DLEC1: variants seen among roughly 807,000 people sequenced by gnomAD.
DLEC1 encodes the protein DLEC1 cilia and flagella associated protein.
DLEC1 carries 146 observed loss-of-function variants against 198.1 expected under a neutral mutation model. That is an observed-to-expected ratio of 0.74 (90% CI 0.64 to 0.85). DLEC1 has a LOEUF of 0.85. Ranked by LOEUF, DLEC1 falls within the 40% of genes least tolerant of loss-of-function variation. The pLI, the probability that DLEC1 is intolerant of heterozygous loss-of-function variation, is 0.00. For synonymous variants in DLEC1, 897 were observed against 866.8 expected (o/e 1.03, Z -0.61); for missense variants, 2,233 against 2,220.0 (o/e 1.01, Z -0.12).
chr3:38,112,297 T>C lies in DLEC1; in HGVS notation c.3602T>C (p.Leu1201Pro). The C allele has an allele frequency of 6.2e-7, 1 of 1,614,192 alleles. No individual in the cohort carries two copies. The highest frequency in any genetic ancestry group is 1.3e-5 in the African/African-American group (1 of 75,052). ...SQGMLGPYQQ[L>P]CIDITGCANM... ...GGCATGCTGGGGCCCTACCAGCAGCTGTGCATTGACATCACAGGCTGTGCC... is the reference window on the plus strand; with the variant it reads ...GGCATGCTGGGGCCCTACCAGCAGCCGTGCATTGACATCACAGGCTGTGCC... Residue 1201 changes from leucine (L) to proline (P), a missense_variant, in exon 25 of 37, where the codon CTG becomes CCG. Transcript: ENST00000308059. The surrounding 1 kb of genome is among the most constrained non-coding windows in gnomAD (Gnocchi z 4.8).
intron 1 of DLEC1, among the ~76,000 whole-genome samples, chr3:38,042,885 C>G (rs1434164247): frequency 1.3e-5 from 2 of 152,158 alleles, no homozygotes; most frequent in Non-Finnish European, 2.9e-5. Flanking sequence ...ATATTCCTCT[C>G]CCTCTTTCCT....
At chr3:38,087,691 C>T (rs558658668) in intron 9 of DLEC1, among the ~76,000 whole-genome samples, 24 of 152,368 alleles carry the variant, frequency 1.6e-4, no homozygotes, top group African/African-American at 2.9e-4. Context: ...ACAAGGGATA[C>T]ATCTAGAGGA....
At chr3:38,041,847 CAAAAAA>C (rs751455053) in intron 1 of DLEC1, among the ~76,000 whole-genome samples, 3 of 71,682 alleles carry the variant, frequency 4.2e-5, no homozygotes, top group Non-Finnish European at 8.7e-5. Flanking sequence ...GACTCCGTTT[CAAAAAA>C]AAAAAAAAAA....
rs200562564 is a variant in DLEC1, at chr3:38,122,398, C to A, written c.5254C>A (p.Pro1752Thr). 1.9e-5 allele frequency: 31 copies of A among 1,614,184 alleles called. No individual in the cohort carries two copies. In the African/African-American group the frequency reaches 2.8e-4, roughly 15 times the overall value. ...CTCCTATGATGAGAGATACATGTTGCCTCACCAGCCCTGAGGCTCCGCCCC... is the reference window on the plus strand; with the variant it reads ...CTCCTATGATGAGAGATACATGTTGACTCACCAGCCCTGAGGCTCCGCCCC... The part of the protein sequence containing the change: ...QGSYDERYML[P>T]HQP The change falls in exon 37 of 37, where the codon CCT becomes ACT. Residue 1752 changes from proline to threonine, a missense_variant. Coordinates refer to ENST00000308059, the MANE Select transcript of DLEC1 (RefSeq NM_007335.4).
chr3:38,081,903 C>T (rs1698043591), intron 6 of DLEC1, among the ~76,000 whole-genome samples: 3 of 148,486 alleles, frequency 2.0e-5, no homozygotes, highest in Non-Finnish European at 1.5e-5. Context: ...TGACCCCCCC[C>T]CACCTCCCTC....
intron 6 of DLEC1, among the ~76,000 whole-genome samples, chr3:38,071,948 A>G (rs1185062849): frequency 6.6e-6 from 1 of 152,202 alleles, no homozygotes; most frequent in Non-Finnish European, 1.5e-5. Context: ...AGGGGGGCAG[A>G]GTGGTAGCCT....
intron 22 of DLEC1, 115 bp downstream of exon 22, chr3:38,109,677 A>G: frequency 5.9e-6 from 9 of 1,537,020 alleles, no homozygotes; most frequent in Non-Finnish European, 7.9e-6. Context: ...TCCTGCAGGC[A>G]GGAAAACGCC....
intron 6 of DLEC1, among the ~76,000 whole-genome samples, chr3:38,068,797 T>C (rs1697166819): frequency 6.6e-6 from 1 of 152,186 alleles, no homozygotes; most frequent in African/African-American, 2.4e-5. Context: ...AATTAGTTGA[T>C]TATTCACTCC....
intron 6 of DLEC1, among the ~76,000 whole-genome samples, chr3:38,074,575 G>T (rs1416260678): frequency 6.6e-6 from 1 of 152,192 alleles, no homozygotes; most frequent in Non-Finnish European, 1.5e-5. Context: ...TTTCAACTAG[G>T]CAGGAAATCA....
At chr3:38,080,104 A>G (rs1039886948) in intron 6 of DLEC1, among the ~76,000 whole-genome samples, 7 of 152,228 alleles carry the variant, frequency 4.6e-5, no homozygotes, top group Non-Finnish European at 8.8e-5. Context: ...AAAAGCCTAA[A>G]TGCTGTCTGA....
Position 38,045,592 on chromosome 3 carries a change from G to C in DLEC1, c.461G>C (p.Arg154Thr). Residue 154 changes from arginine to threonine, a missense_variant, in exon 2 of 37, where the codon AGA becomes ACA. Arg to Thr is a moderately conservative substitution (Grantham distance 71). Transcript: ENST00000308059. The part of the protein sequence containing the change: ...QRLDEFEMLE[R>T]HITQAQARAI... ...CTGGATGAGTTTGAAATGTTGGAGAGACATATCACTCAGGCCCAAGCACGG... is the reference window on the plus strand; with the variant it reads ...CTGGATGAGTTTGAAATGTTGGAGACACATATCACTCAGGCCCAAGCACGG... 2 of 1,614,134 alleles carry C rather than the reference G, an allele frequency of 1.2e-6. No individual in the cohort carries two copies. Among genetic ancestry groups the C allele is most frequent in the Non-Finnish European group, 1.7e-6 (2 of 1,180,016 alleles).
intron 16 of DLEC1, 116 bp downstream of exon 16, chr3:38,097,391 A>G: frequency 6.4e-7 from 1 of 1,557,092 alleles, no homozygotes; most frequent in Admixed American, 1.8e-5. Context: ...GCTCTGGCTG[A>G]GGCCTGGGAT....
intron 26 of DLEC1, 50 bp downstream of exon 26, chr3:38,114,510 C>T (rs779460519): frequency 1.0e-5 from 16 of 1,580,724 alleles, no homozygotes; most frequent in Non-Finnish European, 1.4e-5. Context: ...CCCTGAAACC[C>T]TCCGGCCTCC....
chr3:38,099,794 G>T (rs1182436011), intron 18 of DLEC1, among the ~76,000 whole-genome samples: 1 of 150,812 alleles, frequency 6.6e-6, no homozygotes, highest in African/African-American at 2.4e-5. Flanking sequence ...GGTGGGGGCG[G>T]GTAAATGAGG....
At chr3:38,086,118 C>T in intron 8 of DLEC1, 123 bp from the exon 9 acceptor site, 2 of 1,362,986 alleles carry the variant, frequency 1.5e-6, no homozygotes, top group Non-Finnish European at 2.0e-6. Flanking sequence ...ATCCTCTCTG[C>T]ATAGGGTGCT....
At chr3:38,055,836 C>A (rs1169243843) in intron 2 of DLEC1, among the ~76,000 whole-genome samples, 2 of 152,018 alleles carry the variant, frequency 1.3e-5, no homozygotes, top group African/African-American at 4.8e-5. Context: ...GTTTTAAAGC[C>A]TAGAAGACGC....
intron 1 of DLEC1, among the ~76,000 whole-genome samples, chr3:38,041,871 T>C (rs1033958656): frequency 6.9e-6 from 1 of 145,136 alleles, no homozygotes; most frequent in African/African-American, 2.6e-5. Context: ...AAAAAAGAAA[T>C]ACAACTATGC....
intron 6 of DLEC1, among the ~76,000 whole-genome samples, chr3:38,081,574 G>A (rs1475289802): frequency 9.8e-6 from 1 of 102,304 alleles, no homozygotes; most frequent in Non-Finnish European, 2.0e-5. Flanking sequence ...GCAGGGGGCT[G>A]AGCCCCTCAC....
At chr3:38,121,876 T>C in intron 35 of DLEC1, 95 bp downstream of exon 35, 1 of 1,531,652 alleles carries the variant, frequency 6.5e-7, no homozygotes, top group African/African-American at 1.4e-5. Flanking sequence ...CGTCCCTGCA[T>C]GCTGGCTCCC....
Sources: gnomAD v4.1 joint callset for allele counts (sites outside exome capture counted in the v4.1 genomes callset) on GRCh38, gnomAD v4.1.1 for gene constraint, Gnocchi (gnomAD v3.1) non-coding constraint, MANE v1.5 for transcripts, NCBI Gene and HGNC (gene_info 2026-07-23, HGNC 2026-07-21) for gene names.